The following C10orf67 variants were observed in gnomAD, a reference collection of about 807,000 sequenced individuals.
C10orf67 encodes the protein chromosome 10 open reading frame 67.
Under a neutral mutation model 35.6 loss-of-function variants are expected in C10orf67, and 60 were observed. The observed-to-expected ratio is 1.68, with a 90% CI of 1.37 to 2.09. C10orf67 has a LOEUF of 2.09. Among genes scored for constraint, C10orf67 ranks in the 30% most tolerant of loss-of-function variants. The pLI is 0.00. For missense variants in C10orf67, 474 were observed against 330.2 expected, an observed-to-expected ratio of 1.44 and a Z score of -3.38; for synonymous variants, 167 against 115.8, an observed-to-expected ratio of 1.44 and a Z score of -2.84.
At chr10:23,294,104 C>T (rs1033496207) in intron 5 of C10orf67, among the ~76,000 whole-genome samples, 2 of 152,280 alleles carry the variant, frequency 1.3e-5, no homozygotes, top group East Asian at 3.9e-4. Flanking sequence ...CTGATGCAAG[C>T]CCATGCCTCA....
chr10:23,264,659 C>T (rs917866758), intron 10 of C10orf67, among the ~76,000 whole-genome samples: 3 of 152,166 alleles, frequency 2.0e-5, no homozygotes, highest in East Asian at 1.9e-4. Context: ...CTGGGGACAC[C>T]GGAGCTTCCA....
intron 15 of C10orf67, among the ~76,000 whole-genome samples, chr10:23,210,683 G>A (rs965437439): frequency 5.3e-5 from 8 of 152,144 alleles, no homozygotes; most frequent in Admixed American, 2.0e-4. Flanking sequence ...GCCTCCCAAA[G>A]TACTGGGAGG....
At chr10:23,223,877 TG>T (rs1163000749) in intron 13 of C10orf67, 59 bp from the exon 14 acceptor site, 2 of 706,726 alleles carry the variant, frequency 2.8e-6, no homozygotes, top group East Asian at 2.7e-5. Context: ...TCAAATCAAA[TG>T]GACGTTAATG....
intron 13 of C10orf67, among the ~76,000 whole-genome samples, chr10:23,235,154 A>G (rs1842016153): frequency 6.6e-6 from 1 of 152,202 alleles, no homozygotes; most frequent in African/African-American, 2.4e-5. Flanking sequence ...ACCAATGGAA[A>G]AGAATAGCGT....
At chr10:23,338,925 C>A (rs113770986) in intron 1 of C10orf67, among the ~76,000 whole-genome samples, 1 of 152,158 alleles carries the variant, frequency 6.6e-6, no homozygotes, top group African/African-American at 2.4e-5. Context: ...TTGGGAGAAG[C>A]AAATCCATGA....
intron 13 of C10orf67, among the ~76,000 whole-genome samples, chr10:23,226,423 G>C (rs1274403416): frequency 1.3e-5 from 2 of 152,030 alleles, no homozygotes; most frequent in Non-Finnish European, 2.9e-5. Flanking sequence ...CAGAATCTCT[G>C]GGACACATTT....
chr10:23,225,481 C>G (rs1409846300), intron 13 of C10orf67, among the ~76,000 whole-genome samples: 1 of 152,148 alleles, frequency 6.6e-6, no homozygotes, highest in Non-Finnish European at 1.5e-5. Flanking sequence ...AAATAACCAG[C>G]TAACATCATA....
rs535429344 is a variant in C10orf67, at chr10:23,325,343, C to T, written c.328-2806G>A. 4.0e-5 allele frequency among the ~76,000 whole-genome samples: 6 copies of T among 151,386 alleles called. No individual in the cohort carries two copies. The East Asian group carries it at 9.7e-4, about 24-fold the overall frequency. ...ACAGAGGGAGACTCTGTCTCATAAA[C>T]AAAAAAGCAAAAAACAAAAATGAAA... On this transcript the variant is annotated intron_variant, in intron 2 of 15. Transcript: ENST00000636213.
At chr10:23,288,986 AG>A (rs759962161) in intron 7 of C10orf67, among the ~76,000 whole-genome samples, 3 of 152,198 alleles carry the variant, frequency 2.0e-5, no homozygotes, top group Non-Finnish European at 1.5e-5. Context: ...AGCCTCCAGT[AG>A]GGCAGGGAAG....
intron 1 of C10orf67, among the ~76,000 whole-genome samples, chr10:23,343,329 G>A (rs1283799003): frequency 2.0e-5 from 3 of 152,070 alleles, no homozygotes; most frequent in Non-Finnish European, 4.4e-5. Context: ...GGGACGTGGG[G>A]GAAAACTCCC....
intron 15 of C10orf67, among the ~76,000 whole-genome samples, chr10:23,217,740 G>A (rs781401051): frequency 6.6e-6 from 1 of 152,174 alleles, no homozygotes; most frequent in Non-Finnish European, 1.5e-5. Flanking sequence ...GATAAGGAAT[G>A]CGATTAGTGG....
At chr10:23,270,388 T>G (rs1842984516) in intron 8 of C10orf67, among the ~76,000 whole-genome samples, 1 of 152,128 alleles carries the variant, frequency 6.6e-6, no homozygotes, top group African/African-American at 2.4e-5. Flanking sequence ...GGAGATCCCC[T>G]CATGAGCCCA....
chr10:23,301,024 T>C (rs1410158512), intron 5 of C10orf67, among the ~76,000 whole-genome samples: 1 of 152,244 alleles, frequency 6.6e-6, no homozygotes, highest in Non-Finnish European at 1.5e-5. Flanking sequence ...TCTGAGAATT[T>C]ACCTAGGTCT....
chr10:23,234,711 A>G (rs1257821155), intron 13 of C10orf67, among the ~76,000 whole-genome samples: 1 of 132,074 alleles, frequency 7.6e-6, no homozygotes, highest in Non-Finnish European at 1.6e-5. Flanking sequence ...AGTCAAGGCT[A>G]AAAAAAAAAA....
At chr10:23,285,037 A>C (rs529383045) in intron 7 of C10orf67, among the ~76,000 whole-genome samples, 2 of 152,198 alleles carry the variant, frequency 1.3e-5, no homozygotes, top group East Asian at 1.9e-4. Flanking sequence ...TTGGAAAAAA[A>C]CCAGCAAATA....
intron 4 of C10orf67, among the ~76,000 whole-genome samples, chr10:23,310,366 G>A (rs1489098613): frequency 6.6e-6 from 1 of 152,196 alleles, no homozygotes; most frequent in Non-Finnish European, 1.5e-5. Flanking sequence ...GAGGAGAAGG[G>A]TTGAGCCTCT....
At chr10:23,233,454 A>G (rs956283267) in intron 13 of C10orf67, among the ~76,000 whole-genome samples, 1 of 152,230 alleles carries the variant, frequency 6.6e-6, no homozygotes, top group African/African-American at 2.4e-5. Flanking sequence ...TCCAGTTTAT[A>G]AGAAATAAAT....
At chr10:23,237,066 C>T (rs1842069306) in intron 13 of C10orf67, among the ~76,000 whole-genome samples, 1 of 152,014 alleles carries the variant, frequency 6.6e-6, no homozygotes, top group Admixed American at 6.6e-5. Flanking sequence ...AGTAGGCCCC[C>T]ATGTCTGTTC....
intron 15 of C10orf67, among the ~76,000 whole-genome samples, chr10:23,220,213 T>C (rs1158327892): frequency 6.6e-6 from 1 of 152,132 alleles, no homozygotes; most frequent in Non-Finnish European, 1.5e-5. Context: ...TTTAATTTAT[T>C]AGCCTACTGT....
Sources: gnomAD v4.1 joint callset for allele counts (sites outside exome capture counted in the v4.1 genomes callset) on GRCh38, gnomAD v4.1.1 for gene constraint, MANE v1.5 for transcripts, NCBI Gene and HGNC (gene_info 2026-07-23, HGNC 2026-07-21) for gene names.